DNMBP: variants seen among roughly 807,000 people sequenced by gnomAD.
DNMBP encodes the protein dynamin-binding protein.
A neutral mutation model predicts 150.0 loss-of-function variants in DNMBP; 87 were observed. The ratio of observed to expected loss-of-function variants is 0.58; its 90% CI spans 0.49 to 0.69. DNMBP has a LOEUF of 0.69. Among genes scored for constraint, DNMBP ranks in the 30% least tolerant of loss-of-function variants. The probability of loss-of-function intolerance (pLI) is 0.00; values close to 1 mark genes in which losing one functional copy is unlikely to be tolerated. For synonymous variants in DNMBP, 711 were observed against 750.4 expected, an observed-to-expected ratio of 0.95 and a Z score of 0.86; for missense variants, 1,774 against 1,949.0, an observed-to-expected ratio of 0.91 and a Z score of 1.69.
intron 1 of DNMBP, among the ~76,000 whole-genome samples, chr10:100,005,787 A>AAC (rs2041064222): frequency 1.7e-5 from 2 of 115,926 alleles, no homozygotes; most frequent in African/African-American, 8.5e-5. Context: ...AAAAAAAACC[A>AAC]AACTACATAA....
Position 99,884,143 on chromosome 10 carries a change from G to C in DNMBP, c.3865C>G (p.Leu1289Val), listed in dbSNP as rs1421859585. 9 of 1,614,014 alleles carry C rather than the reference G, an allele frequency of 5.6e-6. No homozygotes were observed. Among genetic ancestry groups the C allele is most frequent in the Non-Finnish European group, 7.6e-6 (9 of 1,180,030 alleles). The change falls in exon 15 of 17, where the codon CTC becomes GTC. Residue 1289 changes from leucine (L) to valine (V), a missense_variant. By Grantham distance (32) the Leu-to-Val change is conservative. Coordinates refer to ENST00000324109, the MANE Select transcript of DNMBP (RefSeq NM_015221.4). ...TTGAAGTTCCGTTCTGCCTGGAAGA[G>C]TTTTTCAGGGGGATACCTGGCCAGG... ...SLLARYPPEK[L>V]FQAERNFNAA...
intron 4 of DNMBP, among the ~76,000 whole-genome samples, chr10:99,917,298 A>G (rs564630046): frequency 1.3e-5 from 2 of 152,172 alleles, no homozygotes; most frequent in African/African-American, 4.8e-5. Flanking sequence ...TGGAGGTTGC[A>G]GTGAGCTGAG....
intron 6 of DNMBP, among the ~76,000 whole-genome samples, chr10:99,904,549 C>T (rs1402531296): frequency 6.6e-6 from 1 of 152,078 alleles, no homozygotes; most frequent in Non-Finnish European, 1.5e-5. Context: ...TTTGTGAATC[C>T]CCCACTGAAC....
At chr10:99,960,759 C>T (rs372034421) in intron 3 of DNMBP, among the ~76,000 whole-genome samples, 82 of 152,214 alleles carry the variant, frequency 5.4e-4, no homozygotes, top group East Asian at 1.2e-3. Context: ...TGAGCTGAGG[C>T]TGCACCATTG....
At chr10:99,947,499 G>A (rs556915445) in intron 4 of DNMBP, among the ~76,000 whole-genome samples, 1 of 150,090 alleles carries the variant, frequency 6.7e-6, no homozygotes, top group African/African-American at 2.4e-5. Context: ...TTATAAGTGG[G>A]AGCTACACAC....
intron 15 of DNMBP, among the ~76,000 whole-genome samples, chr10:99,881,964 G>A (rs2039374212): frequency 1.3e-5 from 2 of 152,148 alleles, no homozygotes; most frequent in Non-Finnish European, 1.5e-5. Context: ...TTCTGGGAAG[G>A]TAGTCAAGTA....
intron 11 of DNMBP, 21 bp from the exon 12 acceptor site, chr10:99,888,974 C>T (rs1564717631): frequency 1.9e-6 from 3 of 1,613,798 alleles, no homozygotes; most frequent in Non-Finnish European, 2.5e-6. Context: ...TTAGGACAGA[C>T]ACAAGTCAGA....
chr10:99,964,135 C>CTTTTTTTTTTTTT (rs895801002), intron 3 of DNMBP, among the ~76,000 whole-genome samples: 1 of 87,236 alleles, frequency 1.1e-5, no homozygotes, highest in Admixed American at 1.5e-4. Context: ...TATTCTCTCT[C>CTTTTTTTTTTTTT]TTTTTTTTTT....
At position 100,005,778 on chromosome 10, in the gene DNMBP, A is replaced by AC. The variant is rs550677586; in HGVS notation, c.-11+4059_-11+4060insG. Among the ~76,000 whole-genome samples, 214 of 128,992 alleles carry AC rather than the reference A, an allele frequency of 1.7e-3. 3 individuals carry two copies. The highest frequency in any genetic ancestry group is 3.8e-3 in the Middle Eastern group (1 of 260). The allele number at this position is 128,992 out of a possible 152,430, so 84.6% of individuals were successfully genotyped here. ...TCAAAAGTCTCCAAAAAAAAAAAAA[A>AC]AAAAAACCAAACTACATAAAGGAAA... On this transcript the variant is annotated intron_variant, in intron 1 of 16. Coordinates refer to ENST00000324109, the MANE Select transcript of DNMBP (RefSeq NM_015221.4).
At chr10:99,889,949 T>C (rs2039531752) in intron 11 of DNMBP, among the ~76,000 whole-genome samples, 1 of 152,196 alleles carries the variant, frequency 6.6e-6, no homozygotes. Flanking sequence ...TGTCACCGTC[T>C]CAAAGACAAC....
rs989040214 is a variant in DNMBP at position 99,909,153 on chromosome 10, G to T, written c.2261-7C>A. On this transcript the variant is annotated splice_polypyrimidine_tract_variant and splice_region_variant and intron_variant, in intron 4 of 16. Coordinates refer to ENST00000324109, the MANE Select transcript of DNMBP (RefSeq NM_015221.4). ...GAGGAGAGGAGCGTCATTTCTAGAA[G>T]GGAAAAGAGAACTGGTTAGCAGCTC... is the stretch of plus-strand genomic sequence containing the variant. 6.2e-7 allele frequency: 1 copy of T among 1,611,024 alleles called. No individual in the cohort carries two copies. Among genetic ancestry groups the T allele is most frequent in the Non-Finnish European group, 8.5e-7 (1 of 1,178,988 alleles).
At chr10:99,988,730 T>C (rs11190353) in intron 1 of DNMBP, among the ~76,000 whole-genome samples, 69,642 of 151,908 alleles carry the variant, frequency 0.46, 16,780 homozygotes, top group African/African-American at 0.61. Context: ...GGTTCAATCT[T>C]GGCTCACTGC....
chr10:99,914,224 C>G (rs571601014), intron 4 of DNMBP: 1 of 799,208 alleles, frequency 1.3e-6, no homozygotes, highest in Non-Finnish European at 1.7e-6. Context: ...GGATCAACAC[C>G]TTCCTTTCTA....
At chr10:99,897,919 A>C in intron 9 of DNMBP, 167 bp downstream of exon 9, 1 of 638,304 alleles carries the variant, frequency 1.6e-6, no homozygotes, top group South Asian at 2.0e-5. Flanking sequence ...TCTCAAAAAA[A>C]ATAATAATAA....
intron 4 of DNMBP, among the ~76,000 whole-genome samples, chr10:99,910,042 C>A (rs569367738): frequency 6.6e-6 from 1 of 152,204 alleles, no homozygotes; most frequent in African/African-American, 2.4e-5. Flanking sequence ...TCAGCCTCTG[C>A]TTAGTCTATC....
chr10:99,929,284 C>T lies in DNMBP; in HGVS notation c.2261-20138G>A, dbSNP rs574620450. Among the ~76,000 whole-genome samples the T allele has an allele frequency of 2.3e-4, 34 of 149,860 alleles. No homozygotes were observed. The South Asian group carries it at 4.8e-3, about 21-fold the overall frequency. On this transcript the variant is annotated intron_variant, in intron 4 of 16. Coordinates refer to ENST00000324109, the MANE Select transcript of DNMBP (RefSeq NM_015221.4). ...TGCCCTGATAATAAACTTGCTGCCTCGACAAGATGAACAAAAACATGAAAG... is the reference window on the plus strand; with the variant it reads ...TGCCCTGATAATAAACTTGCTGCCTTGACAAGATGAACAAAAACATGAAAG...
intron 1 of DNMBP, among the ~76,000 whole-genome samples, chr10:99,992,565 CA>C (rs376151944): frequency 0.017 from 2,332 of 139,064 alleles, 41 homozygotes; most frequent in African/African-American, 0.039. Flanking sequence ...CTGGCTCTGT[CA>C]CCCAGGCTGG....
intron 1 of DNMBP, among the ~76,000 whole-genome samples, chr10:100,003,956 G>A (rs1167700786): frequency 6.6e-6 from 1 of 151,810 alleles, no homozygotes; most frequent in Non-Finnish European, 1.5e-5. Context: ...TTTTGGCCAG[G>A]CACAGTGGCT....
chr10:99,990,966 A>G (rs1318502972), intron 1 of DNMBP, among the ~76,000 whole-genome samples: 1 of 152,134 alleles, frequency 6.6e-6, no homozygotes, highest in Non-Finnish European at 1.5e-5. Flanking sequence ...TTATTGAGAC[A>G]TAATTCACAT....
Sources: allele counts gnomAD v4.1 joint callset (sites outside exome capture counted in the v4.1 genomes callset), GRCh38; gene constraint gnomAD v4.1.1; transcripts MANE v1.5; gene names NCBI Gene and HGNC (gene_info 2026-07-23, HGNC 2026-07-21).